MED26: variants seen among roughly 807,000 people sequenced by gnomAD.
The protein encoded by MED26 is mediator of RNA polymerase II transcription subunit 26.
Under a neutral mutation model 43.7 loss-of-function variants are expected in MED26, and 7 were observed. The observed-to-expected ratio is 0.16, with a 90% CI of 0.09 to 0.30. The LOEUF (loss-of-function observed/expected upper bound fraction) is 0.30, where lower values mean the gene tolerates loss of function less well. MED26 is among the 10% of genes least tolerant of loss of function. MED26 has a pLI of 1.00. For synonymous variants in MED26, 375 were observed against 371.1 expected (o/e 1.01, Z -0.12); for missense variants, 784 against 840.6 (o/e 0.93, Z 0.83).
In MED26 at chr19:16,614,187, C is replaced by T. The variant is rs555778070; in HGVS notation, c.72+13685G>A. Among the ~76,000 whole-genome samples the T allele has an allele frequency of 2.2e-4, 33 of 152,282 alleles. No homozygotes were observed. In the South Asian group the frequency reaches 5.6e-3, roughly 26 times the overall value. Reference sequence around the variant, plus strand: ...TCCAAGGTCACCAAAGTAGAAGCAGCTGAGAAGGACCTGAAGCCTTCCAGC... The same window carrying T: ...TCCAAGGTCACCAAAGTAGAAGCAGTTGAGAAGGACCTGAAGCCTTCCAGC... On this transcript the variant is annotated intron_variant, in intron 1 of 2. Transcript: ENST00000263390.
rs763869919 is a variant in MED26 at position 16,627,848 on chromosome 19, C to T, written c.72+24G>A. On this transcript the variant is annotated intron_variant, in intron 1 of 2. Coordinates refer to ENST00000263390, the MANE Select transcript of MED26 (RefSeq NM_004831.5). The stretch of plus-strand genomic sequence containing the variant: ...GTCCCGGGCCCATGCGGCCTCCGTC[C>T]CAGCTCGCGCGGCGGGTACTTACGT... The T allele has an allele frequency of 2.0e-6, 3 of 1,469,294 alleles. No individual in the cohort carries two copies. The Admixed American group carries it at 6.7e-5, about 33-fold the overall frequency. The allele number at this position is 1,469,294 out of a possible 1,614,324, so 91.0% of individuals were successfully genotyped here. A position where few individuals can be genotyped will look rare whatever the true frequency, so the allele number is the denominator to read the frequency against.
chr19:16,595,383 T>TGGTCTTCCTCTCCTCTGA (rs1414433143), intron 1 of MED26, among the ~76,000 whole-genome samples: 14 of 152,210 alleles, frequency 9.2e-5, no homozygotes, highest in Non-Finnish European at 1.9e-4. Flanking sequence ...CCTGCCCCTG[T>TGGTCTTCCTCTCCTCTGA]GGTCTTCCTC....
chr19:16,626,270 A>C (rs770235208), intron 1 of MED26, among the ~76,000 whole-genome samples: 4 of 152,190 alleles, frequency 2.6e-5, no homozygotes, highest in Non-Finnish European at 4.4e-5. Flanking sequence ...AAATTAAAAA[A>C]ATTACCTTCC....
At chr19:16,614,852 G>A (rs1279791650) in intron 1 of MED26, among the ~76,000 whole-genome samples, 4 of 152,298 alleles carry the variant, frequency 2.6e-5, no homozygotes, top group East Asian at 1.9e-4. Flanking sequence ...AAATCCAGCC[G>A]CAGCCACCTC....
chr19:16,621,212 G>C (rs1438442438), intron 1 of MED26, among the ~76,000 whole-genome samples: 1 of 152,142 alleles, frequency 6.6e-6, no homozygotes, highest in Non-Finnish European at 1.5e-5. Flanking sequence ...AAGGCTTCTG[G>C]TTCCCTTGTC....
At chr19:16,591,776 GC>G (rs1261672227) in intron 1 of MED26, among the ~76,000 whole-genome samples, 5 of 152,214 alleles carry the variant, frequency 3.3e-5, no homozygotes, top group Non-Finnish European at 7.3e-5. Context: ...CCTGAAAGTA[GC>G]CACGGTGCGT....
In MED26 at chr19:16,607,069, C is replaced by T. The variant is rs569925518; in HGVS notation, c.72+20803G>A. 5.3e-5 allele frequency among the ~76,000 whole-genome samples: 8 copies of T among 152,196 alleles called. No individual in the cohort carries two copies. The East Asian group carries it at 5.8e-4, about 11-fold the overall frequency. The stretch of plus-strand genomic sequence containing the variant: ...GAAAAATAAGAACGTTGGCCAGGCA[C>T]GATGGCATACACCTGTAATCCCAGC... On this transcript the variant is annotated intron_variant, in intron 1 of 2. Transcript: ENST00000263390.
At chr19:16,604,938 A>G (rs1204500745) in intron 1 of MED26, among the ~76,000 whole-genome samples, 2 of 152,046 alleles carry the variant, frequency 1.3e-5, no homozygotes, top group Non-Finnish European at 2.9e-5. Context: ...CCATTTTCCC[A>G]CCACAGGTAA....
intron 1 of MED26, among the ~76,000 whole-genome samples, chr19:16,603,103 G>C (rs930832581): frequency 2.0e-5 from 3 of 152,214 alleles, no homozygotes; most frequent in African/African-American, 7.2e-5. Flanking sequence ...CTCTCCCTCA[G>C]GCATCTTTTA....
intron 1 of MED26, among the ~76,000 whole-genome samples, chr19:16,625,116 T>G (rs1209463739): frequency 6.6e-6 from 1 of 152,160 alleles, no homozygotes; most frequent in Non-Finnish European, 1.5e-5. Context: ...TTCAACACCC[T>G]GGGCTGAAAG....
intron 1 of MED26, among the ~76,000 whole-genome samples, chr19:16,622,602 G>A (rs969956022): frequency 1.9e-4 from 29 of 152,152 alleles, no homozygotes; most frequent in African/African-American, 6.8e-4. Flanking sequence ...TCCAAGCATG[G>A]GTGCTAGCGA....
Position 16,576,250 on chromosome 19 carries a change from T to C in MED26, c.1580A>G (p.Gln527Arg). 1 of 1,611,326 alleles carries C rather than the reference T, an allele frequency of 6.2e-7. No homozygotes were observed. Among genetic ancestry groups the C allele is most frequent in the African/African-American group, 1.3e-5 (1 of 75,062 alleles). ...QEESTRQGARQLHVLVPQSPP... is the reference protein window; with the variant it reads ...QEESTRQGARRLHVLVPQSPP... ...GCTTTGAGGCACCAGCACATGCAGC[T>C]GCCTGGCCCCTTGCCGGGTGCTCTC... Residue 527 changes from glutamine (Q) to arginine (R), a missense_variant, in exon 3 of 3, where the codon CAG becomes CGG. Physicochemically the swap from Gln to Arg is conservative, Grantham distance 43. This residue lies in a region of MED26 where 719 missense variants were observed against 730.9 expected (regional missense o/e 0.98). Transcript: ENST00000263390. This position sits in a 1 kb window ranked among gnomAD's most constrained non-coding sequence, Gnocchi z 6.8.
intron 1 of MED26, among the ~76,000 whole-genome samples, chr19:16,582,586 C>T (rs535707363): frequency 6.6e-6 from 1 of 152,184 alleles, no homozygotes; most frequent in Non-Finnish European, 1.5e-5. Flanking sequence ...TGGAGGTGGC[C>T]CTCTGTGAGT....
In MED26 at chr19:16,576,659, T is replaced by C. The variant is rs1173816060; in HGVS notation, c.1171A>G (p.Ser391Gly). The change falls in exon 3 of 3, where the codon AGT (serine) becomes GGT (glycine). Residue 391 changes from serine (S) to glycine (G), a missense_variant. Ser to Gly is a moderately conservative substitution (Grantham distance 56). Transcript: ENST00000263390. This position sits in a 1 kb window ranked among gnomAD's most constrained non-coding sequence, Gnocchi z 6.8. Reference protein sequence around the residue: ...SDAASSGGSDSKKKKRYRPRD... With the variant: ...SDAASSGGSDGKKKKRYRPRD... ...GGTCGGTACCTCTTCTTCTTTTTAC[T>C]GTCCGAGCCCCCTGAGGAGGCAGCA... 1 of 1,614,202 alleles carries C rather than the reference T, an allele frequency of 6.2e-7. No individual in the cohort carries two copies. Among genetic ancestry groups the C allele is most frequent in the South Asian group, 1.1e-5 (1 of 91,088 alleles).
At position 16,606,030 on chromosome 19, in the gene MED26, G is replaced by C. The variant is rs138153108; in HGVS notation, c.72+21842C>G. The stretch of plus-strand genomic sequence containing the variant: ...CACTCAAAACTGAGGCCTGGCAAGG[G>C]ATAGAGCATCGGATCACTACCACAC... On this transcript the variant is annotated intron_variant, in intron 1 of 2. Transcript: ENST00000263390. 3.6e-3 allele frequency among the ~76,000 whole-genome samples: 550 copies of C among 152,318 alleles called. 3 individuals carry two copies. Among genetic ancestry groups the C allele is most frequent in the African/African-American group, 0.013 (520 of 41,560 alleles).
At chr19:16,594,867 C>T (rs1164998114) in intron 1 of MED26, among the ~76,000 whole-genome samples, 1 of 152,168 alleles carries the variant, frequency 6.6e-6, no homozygotes, top group Non-Finnish European at 1.5e-5. Context: ...AGTGCTGGCT[C>T]TGGACCCTAC....
rs113655510 is a variant in MED26 at position 16,590,822 on chromosome 19, G to A, written c.73-12413C>T. On this transcript the variant is annotated intron_variant, in intron 1 of 2. Coordinates refer to ENST00000263390, the MANE Select transcript of MED26 (RefSeq NM_004831.5). ...GGAGGTGGAGGCAGGTGGATCACCT[G>A]AGGCCAGGAGTTTGAGACCAGCCTG... Among the ~76,000 whole-genome samples, 293 of 152,220 alleles carry A rather than the reference G, an allele frequency of 1.9e-3. 1 individual carries two copies. Among genetic ancestry groups the A allele is most frequent in the African/African-American group, 6.9e-3 (288 of 41,522 alleles).
chr19:16,621,264 A>G (rs2086250396), intron 1 of MED26, among the ~76,000 whole-genome samples: 1 of 152,170 alleles, frequency 6.6e-6, no homozygotes, highest in Admixed American at 6.5e-5. Flanking sequence ...TAGCCCCTAA[A>G]ATGAAGATGA....
intron 1 of MED26, among the ~76,000 whole-genome samples, chr19:16,592,771 G>A (rs1270454537): frequency 2.0e-5 from 3 of 152,188 alleles, no homozygotes; most frequent in Non-Finnish European, 4.4e-5. Context: ...GCTTCTGCGG[G>A]CTGGACCGAT....
Sources: gnomAD v4.1 joint callset for allele counts (sites outside exome capture counted in the v4.1 genomes callset) on GRCh38, gnomAD v4.1.1 for gene constraint, gnomAD v4.1.1 regional missense constraint, Gnocchi (gnomAD v3.1) non-coding constraint, MANE v1.5 for transcripts, NCBI Gene and HGNC (gene_info 2026-07-23, HGNC 2026-07-21) for gene names.